Variants in TNFSF11 observed in about 807,000 individuals in gnomAD.
TNFSF11 encodes TNF superfamily member 11, also known as tumor necrosis factor ligand superfamily member 11.
TNFSF11 carries 12 observed loss-of-function variants against 32.2 expected under a neutral mutation model. The observed-to-expected ratio is 0.37, with a 90% CI of 0.24 to 0.60. The LOEUF is 0.60. TNFSF11 is among the 20% of genes least tolerant of loss of function. TNFSF11 has a pLI of 0.66. For synonymous variants in TNFSF11, 172 were observed against 152.1 expected (o/e 1.13, Z -0.96); for missense variants, 345 against 398.0 (o/e 0.87, Z 1.13).
chr13:42,592,242 C>G (rs553639600), intron 2 of TNFSF11, among the ~76,000 whole-genome samples: 11 of 152,206 alleles, frequency 7.2e-5, no homozygotes, highest in Non-Finnish European at 1.6e-4. Context: ...ACAAGACTGT[C>G]CCACTTCAGA....
At chr13:42,567,374 A>G (rs75320523) in intron 2 of TNFSF11, among the ~76,000 whole-genome samples, 3,861 of 152,334 alleles carry the variant, frequency 0.025, 171 homozygotes, top group African/African-American at 0.087. Flanking sequence ...ATTACTCTAA[A>G]TATTTCTAGC....
At chr13:42,600,856 T>C (rs1182772043) in intron 3 of TNFSF11, 27 bp from the exon 4 acceptor site, 1 of 1,614,020 alleles carries the variant, frequency 6.2e-7, no homozygotes, top group Non-Finnish European at 8.5e-7. Flanking sequence ...ATTTTGGCTA[T>C]AATAATATGG....
chr13:42,602,045 A>C (rs1338941329), intron 4 of TNFSF11, among the ~76,000 whole-genome samples: 1 of 152,210 alleles, frequency 6.6e-6, no homozygotes, highest in African/African-American at 2.4e-5. Flanking sequence ...GCTTGGCCAG[A>C]GGGAAAGAAT....
chr13:42,581,683 G>C (rs1222434006), intron 2 of TNFSF11, among the ~76,000 whole-genome samples: 2 of 152,080 alleles, frequency 1.3e-5, no homozygotes, highest in Non-Finnish European at 2.9e-5. Flanking sequence ...TTTCTGTTTG[G>C]CTTCGTAATG....
At chr13:42,598,389 C>T (rs1868937200) in intron 2 of TNFSF11, among the ~76,000 whole-genome samples, 1 of 152,166 alleles carries the variant, frequency 6.6e-6, no homozygotes, top group South Asian at 2.1e-4. Context: ...GTATATATAA[C>T]CATATAAAGA....
intron 2 of TNFSF11, among the ~76,000 whole-genome samples, chr13:42,583,775 C>T (rs1009318751): frequency 1.3e-5 from 2 of 152,006 alleles, no homozygotes; most frequent in Admixed American, 6.6e-5. Flanking sequence ...CCAAGATGCC[C>T]ACTGTCCCTA....
intron 1 of TNFSF11, among the ~76,000 whole-genome samples, chr13:42,563,971 AC>A (rs1872778865): frequency 1.3e-5 from 2 of 151,898 alleles, no homozygotes; most frequent in Admixed American, 1.3e-4. Flanking sequence ...CATATATTAG[AC>A]CTTTTGATAA....
intron 2 of TNFSF11, among the ~76,000 whole-genome samples, chr13:42,590,721 G>T (rs1874127890): frequency 6.6e-6 from 1 of 152,186 alleles, no homozygotes; most frequent in South Asian, 2.1e-4. Flanking sequence ...TAAGACATTT[G>T]AAAATCGGGC....
At chr13:42,565,923 C>T (rs1448741257) in intron 1 of TNFSF11, among the ~76,000 whole-genome samples, 2 of 152,168 alleles carry the variant, frequency 1.3e-5, no homozygotes, top group Admixed American at 6.5e-5. Context: ...AAAAAGCACT[C>T]TGGGAATATG....
chr13:42,599,769 T>C (rs1869067035), intron 2 of TNFSF11, among the ~76,000 whole-genome samples: 1 of 152,100 alleles, frequency 6.6e-6, no homozygotes, highest in Non-Finnish European at 1.5e-5. Flanking sequence ...GGGGTTCCAC[T>C]GTGTTGGCCC....
intron 2 of TNFSF11, among the ~76,000 whole-genome samples, chr13:42,587,525 T>C (rs1382429320): frequency 6.6e-6 from 1 of 152,206 alleles, no homozygotes; most frequent in East Asian, 1.9e-4. Context: ...GATTGTATTT[T>C]CAAAAGGTCA....
chr13:42,601,159 A>C (rs896162091), intron 4 of TNFSF11, among the ~76,000 whole-genome samples, 178 bp downstream of exon 4: 7 of 152,242 alleles, frequency 4.6e-5, no homozygotes, highest in African/African-American at 1.7e-4. Flanking sequence ...GTGATTCTCA[A>C]AAATGTCAGA....
At chr13:42,601,496 C>G (rs1456057599) in intron 4 of TNFSF11, among the ~76,000 whole-genome samples, 1 of 152,148 alleles carries the variant, frequency 6.6e-6, no homozygotes, top group Non-Finnish European at 1.5e-5. Context: ...AAATGCTTAG[C>G]TTGATGGACT....
chr13:42,575,486 T>A (rs1038510772), intron 1 of TNFSF11, among the ~76,000 whole-genome samples: 3 of 152,164 alleles, frequency 2.0e-5, no homozygotes, highest in African/African-American at 4.8e-5. Context: ...CATTTTTTTT[T>A]ATGGGAAAAG....
rs1039761705 is a variant in TNFSF11, at chr13:42,576,563, G to C, written c.219+2041G>C. 2.6e-5 allele frequency among the ~76,000 whole-genome samples: 4 copies of C among 152,020 alleles called. 1 individual carries two copies. The highest frequency in any genetic ancestry group is 9.7e-5 in the African/African-American group (4 of 41,374). ...GTTTTCTTAAATACCATGAAAATTC[G>C]GTTCCTTTGACTTGTGCAAAATAAT... On this transcript the variant is annotated intron_variant, in intron 1 of 4. Transcript: ENST00000398795.
At chr13:42,602,356 A>G (rs892546755) in intron 4 of TNFSF11, among the ~76,000 whole-genome samples, 1 of 152,206 alleles carries the variant, frequency 6.6e-6, no homozygotes, top group African/African-American at 2.4e-5. Context: ...AGTTCAATTA[A>G]ATAATTATAC....
At chr13:42,591,469 T>G (rs1261268584) in intron 2 of TNFSF11, among the ~76,000 whole-genome samples, 7 of 152,070 alleles carry the variant, frequency 4.6e-5, no homozygotes. Flanking sequence ...TCCTGGTGTC[T>G]TATAGGGCTC....
chr13:42,583,362 C>T (rs535499452), intron 2 of TNFSF11, among the ~76,000 whole-genome samples: 51 of 134,502 alleles, frequency 3.8e-4, no homozygotes, highest in African/African-American at 1.2e-3. Context: ...CAGTGAGCTG[C>T]GGTTGCACCA....
At chr13:42,592,674 T>C (rs1042892893) in intron 2 of TNFSF11, among the ~76,000 whole-genome samples, 3 of 152,210 alleles carry the variant, frequency 2.0e-5, no homozygotes, top group South Asian at 4.1e-4. Context: ...GGGTGTGATA[T>C]GGTTTGGCTC....
Sources: gnomAD v4.1 joint callset for allele counts (sites outside exome capture counted in the v4.1 genomes callset) on GRCh38, gnomAD v4.1.1 for gene constraint, MANE v1.5 for transcripts, NCBI Gene and HGNC (gene_info 2026-07-23, HGNC 2026-07-21) for gene names.